The following ZNF385D variants were observed in gnomAD, a reference collection of about 807,000 sequenced individuals.
ZNF385D encodes zinc finger protein 385D.
ZNF385D carries 15 observed loss-of-function variants against 35.8 expected under a neutral mutation model. The observed-to-expected ratio is 0.42, with a 90% CI of 0.28 to 0.64. The LOEUF (loss-of-function observed/expected upper bound fraction) is 0.64. Ranked by LOEUF, ZNF385D falls within the 30% of genes least tolerant of loss-of-function variation. ZNF385D has a pLI of 0.23. For synonymous variants in ZNF385D, 212 were observed against 186.8 expected, an observed-to-expected ratio of 1.13 and a Z score of -1.10; for missense variants, 474 against 494.6, an observed-to-expected ratio of 0.96 and a Z score of 0.39.
intron 3 of ZNF385D, among the ~76,000 whole-genome samples, chr3:21,533,436 T>G (rs1056876745): frequency 6.6e-6 from 1 of 152,134 alleles, no homozygotes; most frequent in East Asian, 1.9e-4. Context: ...GTGCACTCAG[T>G]ATTTGAACTC....
intron 3 of ZNF385D, among the ~76,000 whole-genome samples, chr3:21,920,278 G>A (rs766517549): frequency 5.9e-5 from 9 of 152,228 alleles, no homozygotes; most frequent in Non-Finnish European, 1.3e-4. Context: ...TATGACCAGG[G>A]CCTGACAGAC....
intron 3 of ZNF385D, among the ~76,000 whole-genome samples, chr3:21,941,363 G>A (rs887535820): frequency 1.3e-5 from 2 of 152,034 alleles, no homozygotes; most frequent in Non-Finnish European, 2.9e-5. Flanking sequence ...GCACTAAGCT[G>A]ACTCAAATGT....
intron 3 of ZNF385D, among the ~76,000 whole-genome samples, chr3:21,799,908 C>T (rs1575670979): frequency 6.6e-6 from 1 of 152,068 alleles, no homozygotes. Context: ...GCCTTTGATC[C>T]ATTTTGAGTT....
intron 2 of ZNF385D, among the ~76,000 whole-genome samples, chr3:22,235,097 A>C (rs1376594216): frequency 6.4e-4 from 97 of 152,150 alleles, no homozygotes; most frequent in Non-Finnish European, 4.4e-5. Context: ...AATTTCTGAT[A>C]AGTTTATTAA....
intron 3 of ZNF385D, among the ~76,000 whole-genome samples, chr3:21,809,451 T>C (rs2072806166): frequency 6.6e-6 from 1 of 151,922 alleles, no homozygotes. Context: ...AACTGTATCA[T>C]AAAGGGGAGA....
intron 3 of ZNF385D, among the ~76,000 whole-genome samples, chr3:22,126,450 C>A (rs1353509052): frequency 6.6e-6 from 1 of 150,666 alleles, no homozygotes; most frequent in Non-Finnish European, 1.5e-5. Flanking sequence ...AATTTCTGGT[C>A]ATTCAGGAGC....
At chr3:22,194,113 C>T (rs2728990) in intron 2 of ZNF385D, among the ~76,000 whole-genome samples, 18,753 of 151,832 alleles carry the variant, frequency 0.12, 1,494 homozygotes, top group Middle Eastern at 0.23. Flanking sequence ...AATGGTAACA[C>T]AGAAGAATTA....
chr3:22,119,616 C>A (rs947104692), intron 3 of ZNF385D, among the ~76,000 whole-genome samples: 1 of 152,058 alleles, frequency 6.6e-6, no homozygotes, highest in African/African-American at 2.4e-5. Context: ...TGATCATTTG[C>A]TCTGCTTTTA....
chr3:21,610,833 C>T (rs936653676), intron 2 of ZNF385D, among the ~76,000 whole-genome samples: 27 of 151,872 alleles, frequency 1.8e-4, no homozygotes, highest in Non-Finnish European at 4.0e-4. Context: ...GCTCTGAAGT[C>T]CAGACACAGC....
At chr3:21,821,692 G>T (rs1038004565) in intron 3 of ZNF385D, among the ~76,000 whole-genome samples, 1 of 152,168 alleles carries the variant, frequency 6.6e-6, no homozygotes, top group African/African-American at 2.4e-5. Context: ...GCTAGGTGTG[G>T]TGGCTCGCGC....
At chr3:22,067,991 G>A (rs943832386) in intron 3 of ZNF385D, among the ~76,000 whole-genome samples, 2 of 142,706 alleles carry the variant, frequency 1.4e-5, no homozygotes, top group African/African-American at 5.6e-5. Context: ...CCAGCCTGGT[G>A]AAAGAGCAAG....
At chr3:22,113,190 C>T (rs1337003217) in intron 3 of ZNF385D, among the ~76,000 whole-genome samples, 9 of 151,968 alleles carry the variant, frequency 5.9e-5, no homozygotes, top group Admixed American at 5.9e-4. Context: ...GGCTATGGGC[C>T]TTTGCAGTTC....
At chr3:21,946,500 T>C (rs1300932095) in intron 3 of ZNF385D, among the ~76,000 whole-genome samples, 4 of 152,206 alleles carry the variant, frequency 2.6e-5, no homozygotes, top group Non-Finnish European at 4.4e-5. Flanking sequence ...AGAATGTTCT[T>C]ATGAACTGAT....
intron 2 of ZNF385D, among the ~76,000 whole-genome samples, chr3:22,225,884 TCA>T (rs1698523601): frequency 6.6e-6 from 1 of 152,208 alleles, no homozygotes. Flanking sequence ...AATACTACAT[TCA>T]GTGTGTTTAG....
chr3:21,971,899 A>C (rs1703283897), intron 3 of ZNF385D, among the ~76,000 whole-genome samples: 1 of 151,944 alleles, frequency 6.6e-6, no homozygotes. Flanking sequence ...GGGATGAATA[A>C]GGAGATATAA....
At chr3:21,926,999 A>G (rs1354942227) in intron 3 of ZNF385D, among the ~76,000 whole-genome samples, 1 of 151,970 alleles carries the variant, frequency 6.6e-6, no homozygotes, top group Non-Finnish European at 1.5e-5. Context: ...GTCTAGTGGG[A>G]GGTGTTTGGG....
intron 3 of ZNF385D, among the ~76,000 whole-genome samples, chr3:21,832,115 A>G (rs1193627920): frequency 6.6e-6 from 1 of 152,064 alleles, no homozygotes; most frequent in Non-Finnish European, 1.5e-5. Flanking sequence ...TCTCTCCTTA[A>G]AGTTCATATT....
intron 3 of ZNF385D, among the ~76,000 whole-genome samples, chr3:21,993,816 A>G (rs1198587928): frequency 6.6e-6 from 1 of 152,200 alleles, no homozygotes; most frequent in Non-Finnish European, 1.5e-5. Context: ...CCTTACTCAT[A>G]CATAATGTTT....
intron 2 of ZNF385D, among the ~76,000 whole-genome samples, chr3:22,372,091 C>A (rs900290358): frequency 6.6e-6 from 1 of 152,062 alleles, no homozygotes; most frequent in Non-Finnish European, 1.5e-5. Context: ...GCCCAGCCCT[C>A]GACTCTGGAC....
Sources: gnomAD v4.1 joint callset for allele counts (sites outside exome capture counted in the v4.1 genomes callset) on GRCh38, gnomAD v4.1.1 for gene constraint, MANE v1.5 for transcripts, NCBI Gene and HGNC (gene_info 2026-07-23, HGNC 2026-07-21) for gene names.